The following DCUN1D4 variants were observed in gnomAD, a reference collection of about 807,000 sequenced individuals.
DCUN1D4 encodes defective in cullin neddylation 1 domain containing 4.
In DCUN1D4, 22 loss-of-function variants were observed where a neutral mutation model predicts 47.9. That is an observed-to-expected ratio of 0.46 (90% confidence interval 0.33 to 0.66). The LOEUF is 0.66. Ranked by LOEUF, DCUN1D4 falls within the 30% of genes least tolerant of loss-of-function variation. The pLI is 0.02. For synonymous variants in DCUN1D4, 121 were observed against 112.2 expected (o/e 1.08, Z -0.50); for missense variants, 301 against 340.8 (o/e 0.88, Z 0.92).
At chr4:51,845,001 A>T in intron 1 of DCUN1D4, 3 of 985,442 alleles carry the variant, frequency 3.0e-6, no homozygotes, top group Non-Finnish European at 3.6e-6. Context: ...AGCCCACGCC[A>T]GGCGCAGCCC....
chr4:51,899,437 C>T, intron 8 of DCUN1D4, 59 bp downstream of exon 8: 2 of 1,522,560 alleles, frequency 1.3e-6, no homozygotes, highest in Non-Finnish European at 1.8e-6. Context: ...TTTTAAATTG[C>T]CTTTTGAGGT....
intron 1 of DCUN1D4, among the ~76,000 whole-genome samples, chr4:51,854,953 CA>C (rs1284503949): frequency 6.6e-6 from 1 of 152,058 alleles, no homozygotes; most frequent in Non-Finnish European, 1.5e-5. Flanking sequence ...GAGTATAATA[CA>C]AACAACAAAA....
intron 1 of DCUN1D4, among the ~76,000 whole-genome samples, chr4:51,847,911 C>G (rs1381500317): frequency 2.0e-5 from 3 of 152,130 alleles, no homozygotes; most frequent in Non-Finnish European, 2.9e-5. Context: ...TTTCCCCTCC[C>G]CAATTAGATT....
At chr4:51,884,682 C>CA (rs1176378954) in intron 5 of DCUN1D4, among the ~76,000 whole-genome samples, 2 of 152,168 alleles carry the variant, frequency 1.3e-5, no homozygotes, top group African/African-American at 4.8e-5. Flanking sequence ...GAGGGAAAGA[C>CA]AGATGAGCTG....
chr4:51,875,558 A>AT (rs1347650837), intron 4 of DCUN1D4, among the ~76,000 whole-genome samples: 1 of 152,118 alleles, frequency 6.6e-6, no homozygotes, highest in Non-Finnish European at 1.5e-5. Flanking sequence ...CAGTTTAGTG[A>AT]TTTTTATTAA....
intron 5 of DCUN1D4, among the ~76,000 whole-genome samples, chr4:51,883,424 C>T (rs1309040309): frequency 6.6e-6 from 1 of 152,124 alleles, no homozygotes; most frequent in East Asian, 1.9e-4. Context: ...GTGTCTAATA[C>T]ATACATGAAT....
chr4:51,860,739 A>G, intron 1 of DCUN1D4: 1 of 415,250 alleles, frequency 2.4e-6, no homozygotes. Context: ...GACAGCACTA[A>G]GCCATGAGGG....
intron 1 of DCUN1D4, among the ~76,000 whole-genome samples, chr4:51,844,040 G>A (rs575895885): frequency 6.7e-6 from 1 of 150,298 alleles, no homozygotes. Context: ...AGGTGTGGAA[G>A]GGTAGGGCGA....
chr4:51,853,759 A>C (rs1277846367), intron 1 of DCUN1D4, among the ~76,000 whole-genome samples: 1 of 152,182 alleles, frequency 6.6e-6, no homozygotes, highest in Non-Finnish European at 1.5e-5. Context: ...GTTTCATTTA[A>C]ATATTAATAG....
At chr4:51,834,110 TTTTC>T in the DCUN1D4 span, among the ~76,000 whole-genome samples, 11 of 127,162 alleles carry the variant, frequency 8.7e-5, 1 homozygote, top group South Asian at 7.6e-4. Context: ...TTTCTTTTTT[TTTTC>T]TTTTTTTTTT....
At chr4:51,844,390 G>A (rs1722156139) in intron 1 of DCUN1D4, 2 of 984,872 alleles carry the variant, frequency 2.0e-6, no homozygotes, top group Non-Finnish European at 2.4e-6. Flanking sequence ...CCCGGACGGC[G>A]GGAAGCGAGG....
intron 1 of DCUN1D4, chr4:51,860,395 T>C (rs1488846352): frequency 2.3e-5 from 7 of 309,096 alleles, no homozygotes; most frequent in South Asian, 1.9e-4. Context: ...TTTTTGTTCC[T>C]GTGTGTTGTG....
At chr4:51,913,060 G>A (rs1278156385) in intron 9 of DCUN1D4, among the ~76,000 whole-genome samples, 5 of 152,086 alleles carry the variant, frequency 3.3e-5, no homozygotes, top group East Asian at 1.9e-4. Flanking sequence ...TTATTTTGAT[G>A]TGCTTTCCAT....
intron 1 of DCUN1D4, among the ~76,000 whole-genome samples, chr4:51,855,202 A>G (rs929176874): frequency 1.3e-5 from 2 of 152,212 alleles, no homozygotes; most frequent in African/African-American, 4.8e-5. Context: ...AGGCAAATCT[A>G]TAGAGACAGA....
upstream of DCUN1D4, among the ~76,000 whole-genome samples, chr4:51,839,326 A>G (rs2109760369): frequency 6.6e-6 from 1 of 152,336 alleles, no homozygotes; most frequent in East Asian, 1.9e-4. Flanking sequence ...GGGCACGTTT[A>G]CTTATTAGCT....
Position 51,891,975 on chromosome 4 carries a change from C to T in DCUN1D4, c.506+124C>T, listed in dbSNP as rs1180207384. 4 of 710,388 alleles carry T rather than the reference C, an allele frequency of 5.6e-6. No homozygotes were observed. The African/African-American group carries it at 7.2e-5, about 13-fold the overall frequency. The allele number at this position is 710,388 out of a possible 1,614,324, so 44.0% of individuals were successfully genotyped here. A position where few individuals can be genotyped will look rare whatever the true frequency, so the allele number is the denominator to read the frequency against. ...AGTCAGGTGGTCTGGCCAAGCTTCC[C>T]CAGTGGCCAAAGATGTAAAGACTAA... On this transcript the variant is annotated intron_variant, in intron 7 of 10. Transcript: ENST00000334635.
intron 6 of DCUN1D4, chr4:51,887,380 G>C (rs1050226863): frequency 5.2e-6 from 1 of 190,704 alleles, no homozygotes; most frequent in Non-Finnish European, 1.1e-5. Flanking sequence ...GATTATAGGC[G>C]TGAGCCACAG....
chr4:51,877,082 G>C (rs1295009956), intron 4 of DCUN1D4, among the ~76,000 whole-genome samples: 1 of 152,120 alleles, frequency 6.6e-6, no homozygotes, highest in African/African-American at 2.4e-5. Context: ...GGAGGCTGCT[G>C]TGCTTCCTGA....
At chr4:51,857,050 T>C (rs1228929747) in intron 1 of DCUN1D4, among the ~76,000 whole-genome samples, 1 of 152,184 alleles carries the variant, frequency 6.6e-6, no homozygotes, top group Admixed American at 6.5e-5. Flanking sequence ...TCATACCGTA[T>C]TGTGAGATGC....
Sources: gnomAD v4.1 joint callset for allele counts (sites outside exome capture counted in the v4.1 genomes callset) on GRCh38, gnomAD v4.1.1 for gene constraint, MANE v1.5 for transcripts, NCBI Gene and HGNC (gene_info 2026-07-23, HGNC 2026-07-21) for gene names.